CCT3: variants seen among roughly 807,000 people sequenced by gnomAD.
The protein encoded by CCT3 is T-complex protein 1 subunit gamma.
CCT3 carries 10 observed loss-of-function variants against 65.3 expected under a neutral mutation model. That is an observed-to-expected ratio of 0.15 (90% CI 0.09 to 0.26). CCT3 has a LOEUF of 0.26. Ranked by LOEUF, CCT3 falls within the 10% of genes least tolerant of loss-of-function variation. The probability of loss-of-function intolerance (pLI) is 1.00; values close to 1 mark genes in which losing one functional copy is unlikely to be tolerated. For missense variants in CCT3, 626 were observed against 708.7 expected (o/e 0.88, Z 1.33); for synonymous variants, 225 against 242.3 (o/e 0.93, Z 0.66).
chr1:156,331,975 C>T (rs1002262130), intron 5 of CCT3, among the ~76,000 whole-genome samples: 2 of 151,334 alleles, frequency 1.3e-5, no homozygotes, highest in African/African-American at 4.9e-5. Flanking sequence ...GAGGTTGCGG[C>T]GAGCCGAGAT....
chr1:156,332,043 A>AAAAAAG (rs34561467), intron 5 of CCT3, among the ~76,000 whole-genome samples: 5 of 149,842 alleles, frequency 3.3e-5, no homozygotes, highest in Admixed American at 6.6e-5. Flanking sequence ...AAAAAAAAAA[A>AAAAAAG]GAGACATGGT....
At chr1:156,337,822 G>A in intron 1 of CCT3, 1 of 386,110 alleles carries the variant, frequency 2.6e-6, no homozygotes, top group Non-Finnish European at 4.7e-6. Context: ...CGTTATTCGT[G>A]CAGCTACATA....
chr1:156,324,090 C>A (rs1282048016), intron 6 of CCT3, among the ~76,000 whole-genome samples: 1 of 148,602 alleles, frequency 6.7e-6, no homozygotes, highest in Non-Finnish European at 1.5e-5. Context: ...TTTTTTGAGA[C>A]AGAGTCTCAC....
chr1:156,335,434 T>A (rs1665295195), intron 2 of CCT3: 1 of 196,660 alleles, frequency 5.1e-6, no homozygotes, highest in Non-Finnish European at 1.0e-5. Context: ...CTAAATCAGA[T>A]ATAAGGCTAT....
In CCT3 at chr1:156,317,640, GTATCTCAGAGTCAGAATTA is replaced by G. The variant is rs563070518; in HGVS notation, c.760-112_760-94del. The G allele has an allele frequency of 3.5e-5, 40 of 1,152,544 alleles. No homozygotes were observed. In the African/African-American group the frequency reaches 4.8e-4, roughly 14 times the overall value. The allele number at this position is 1,152,544 out of a possible 1,614,324, so 71.4% of individuals were successfully genotyped here. ...TACTCCTTCCACCCACCTCTCCCACGTATCTCAGAGTCAGAATTATGTTAAAGCCATGACCTCAACACCT... is the reference window on the plus strand; with the variant it reads ...TACTCCTTCCACCCACCTCTCCCACGTGTTAAAGCCATGACCTCAACACCT... On this transcript the variant is annotated intron_variant, in intron 8 of 13. Coordinates refer to ENST00000295688, the MANE Select transcript of CCT3 (RefSeq NM_005998.5).
chr1:156,337,758 G>C, intron 1 of CCT3: 2 of 244,288 alleles, frequency 8.2e-6, no homozygotes, highest in Non-Finnish European at 1.6e-5. Flanking sequence ...CCGCTACTAA[G>C]GGATGGGCCA....
chr1:156,328,015 C>T, intron 5 of CCT3, among the ~76,000 whole-genome samples: 1 of 61,422 alleles, frequency 1.6e-5, no homozygotes, highest in African/African-American at 6.4e-5. Context: ...CTCCGTCCGG[C>T]AGCCACCCCG....
intron 8 of CCT3, among the ~76,000 whole-genome samples, chr1:156,318,002 A>G (rs886997967): frequency 5.3e-5 from 8 of 151,916 alleles, no homozygotes; most frequent in Non-Finnish European, 1.2e-4. Flanking sequence ...GTGAGCCACC[A>G]CGCCCGGCCA....
In CCT3 at chr1:156,312,853, T is replaced by C. The variant is rs1452808959; in HGVS notation, c.975-632A>G. On this transcript the variant is annotated intron_variant, in intron 10 of 13. Transcript: ENST00000295688. The stretch of plus-strand genomic sequence containing the variant: ...AGCATACCTATATACACTAATATGA[T>C]TTGAAAAAATGTGAAATCATTATGA... Among the ~76,000 whole-genome samples, 3 of 152,140 alleles carry C rather than the reference T, an allele frequency of 2.0e-5. No individual in the cohort carries two copies. The East Asian group carries it at 5.8e-4, about 29-fold the overall frequency.
At position 156,333,657 on chromosome 1, in the gene CCT3, T is replaced by C. The variant is rs201299234; in HGVS notation, c.208-14A>G. On this transcript the variant is annotated splice_polypyrimidine_tract_variant and intron_variant, in intron 4 of 13. Transcript: ENST00000295688. ...CTGGACTTGAATCTAAAAAGGTAGA[T>C]CACTAGTGAATTCACACTATTCAAA... 1,018 of 1,605,516 alleles carry C rather than the reference T, an allele frequency of 6.3e-4. 4 individuals are homozygous for C. The African/African-American group carries it at 0.011, about 18-fold the overall frequency.
At chr1:156,311,742 CAG>C (rs1230130928) in intron 11 of CCT3, among the ~76,000 whole-genome samples, 5 of 152,104 alleles carry the variant, frequency 3.3e-5, no homozygotes, top group Admixed American at 2.0e-4. Context: ...TTGATGGGTA[CAG>C]AGTCTCAGTT....
At chr1:156,334,824 G>C (rs1392344520) in intron 3 of CCT3, 44 bp downstream of exon 3, 7 of 1,613,452 alleles carry the variant, frequency 4.3e-6, no homozygotes, top group Non-Finnish European at 5.1e-6. Context: ...ATAACAGGAA[G>C]AAAAAAATTG....
chr1:156,327,751 C>A (rs1313650418), intron 5 of CCT3, among the ~76,000 whole-genome samples: 1 of 150,744 alleles, frequency 6.6e-6, no homozygotes, highest in Non-Finnish European at 1.5e-5. Flanking sequence ...GGCCGCCCAT[C>A]GTCTGGGATG....
Position 156,318,865 on chromosome 1 carries a change from T to C in CCT3, c.759+3A>G, listed in dbSNP as rs1421911253. On this transcript the variant is annotated splice_donor_region_variant and intron_variant, in intron 8 of 13. Transcript: ENST00000295688. ...CTTTAAGGAACAAGGCCAAGAACCT[T>C]ACCTGGCTTTCTCCTTTCTTGTATT... 6.2e-7 allele frequency: 1 copy of C among 1,611,368 alleles called. No individual in the cohort carries two copies. The highest frequency in any genetic ancestry group is 1.7e-4 in the Middle Eastern group (1 of 5,926).
chr1:156,328,669 A>G (rs1032459257), intron 5 of CCT3, among the ~76,000 whole-genome samples: 5 of 151,872 alleles, frequency 3.3e-5, no homozygotes, highest in African/African-American at 9.7e-5. Context: ...CATGCTCGTT[A>G]AGAGTCATCA....
chr1:156,331,688 C>CATAAATAAATAA (rs569261761), intron 5 of CCT3, among the ~76,000 whole-genome samples: 5 of 150,516 alleles, frequency 3.3e-5, no homozygotes, highest in African/African-American at 1.2e-4. Flanking sequence ...GTCTCAAAAA[C>CATAAATAAATAA]ATAAATAAAT....
rs980617317 is a variant in CCT3, at chr1:156,318,960, C to T, written c.667G>A (p.Asp223Asn). Residue 223 changes from aspartate to asparagine, a missense_variant, in exon 8 of 14, where the codon GAT becomes AAT. Coordinates refer to ENST00000295688, the MANE Select transcript of CCT3 (RefSeq NM_005998.5). ...CGCCGCATACGTGGATGGGTCACAT[C>T]CTTGTTAATCATGACTCCACGCAAG... ...CVLRGVMINK[D>N]VTHPRMRRYI... 1 of 1,614,106 alleles carries T rather than the reference C, an allele frequency of 6.2e-7. No individual in the cohort carries two copies. The highest frequency in any genetic ancestry group is 1.3e-5 in the African/African-American group (1 of 75,042).
intron 6 of CCT3, among the ~76,000 whole-genome samples, chr1:156,322,149 G>C (rs1664583027): frequency 6.6e-6 from 1 of 152,188 alleles, no homozygotes; most frequent in South Asian, 2.1e-4. Flanking sequence ...GCTGGGGCAG[G>C]ATTGCTTGAG....
intron 6 of CCT3, among the ~76,000 whole-genome samples, chr1:156,321,373 T>A (rs980639042): frequency 2.0e-5 from 3 of 152,242 alleles, no homozygotes; most frequent in Non-Finnish European, 4.4e-5. Flanking sequence ...TATGAAACTT[T>A]ATCCCATAAC....
Sources: allele counts gnomAD v4.1 joint callset (sites outside exome capture counted in the v4.1 genomes callset), GRCh38; gene constraint gnomAD v4.1.1; transcripts MANE v1.5; gene names NCBI Gene and HGNC (gene_info 2026-07-23, HGNC 2026-07-21).